Variants in SYNPR observed in about 807,000 individuals in gnomAD.
SYNPR encodes synaptoporin.
Under a neutral mutation model 32.9 loss-of-function variants are expected in SYNPR, and 23 were observed. The observed-to-expected ratio is 0.70, with a 90% CI of 0.50 to 0.99. SYNPR has a LOEUF of 0.99. Among genes scored for constraint, SYNPR ranks in the 50% least tolerant of loss-of-function variants. The pLI is 0.00. For missense variants in SYNPR, 318 were observed against 349.3 expected, an observed-to-expected ratio of 0.91 and a Z score of 0.71; for synonymous variants, 146 against 135.9, an observed-to-expected ratio of 1.07 and a Z score of -0.52.
chr3:63,346,597 G>A (rs1346912529), intron 2 of SYNPR, among the ~76,000 whole-genome samples: 1 of 151,972 alleles, frequency 6.6e-6, no homozygotes, highest in African/African-American at 2.4e-5. Context: ...GCAGCCTCCT[G>A]AGTAGCTGGG....
At position 63,606,417 on chromosome 3, in the gene SYNPR, CTTTT is replaced by C. The variant is rs61299069; in HGVS notation, c.409-2689_409-2686del. Among the ~76,000 whole-genome samples, 21 of 68,300 alleles carry C rather than the reference CTTTT, an allele frequency of 3.1e-4. 1 individual carries two copies. The highest frequency in any genetic ancestry group is 4.6e-4 in the Non-Finnish European group (16 of 34,866). 44.8% of individuals were successfully genotyped at this position (68,300 alleles called of 152,430 possible). A position where few individuals can be genotyped will look rare whatever the true frequency, so the allele number is the denominator to read the frequency against. The stretch of plus-strand genomic sequence containing the variant: ...AATTAAGCAGGACCTCAAATCCTTT[CTTTT>C]TTTTTTTTTTTTTTTTTTAGCAATG... On this transcript the variant is annotated intron_variant, in intron 4 of 5. Transcript: ENST00000478300.
At chr3:63,307,521 G>C (rs1228244612) in intron 2 of SYNPR, among the ~76,000 whole-genome samples, 1 of 151,946 alleles carries the variant, frequency 6.6e-6, no homozygotes, top group Non-Finnish European at 1.5e-5. Flanking sequence ...TGTAATTTCA[G>C]CAATGTTTCC....
At chr3:63,387,789 C>A (rs1317124523) in intron 2 of SYNPR, among the ~76,000 whole-genome samples, 3 of 152,158 alleles carry the variant, frequency 2.0e-5, no homozygotes, top group Non-Finnish European at 4.4e-5. Flanking sequence ...TAAGAGGTTA[C>A]AAAGCAGCCT....
the SYNPR span, among the ~76,000 whole-genome samples, chr3:63,201,041 T>A: frequency 6.6e-6 from 1 of 152,114 alleles, no homozygotes; most frequent in South Asian, 2.1e-4. Flanking sequence ...ATGGATTAGG[T>A]TCTGAAATTA....
chr3:63,319,075 T>C (rs991135269), intron 2 of SYNPR, among the ~76,000 whole-genome samples: 2 of 152,042 alleles, frequency 1.3e-5, no homozygotes, highest in African/African-American at 4.8e-5. Flanking sequence ...GGGCTGGTAC[T>C]GGGAGGTGTC....
chr3:63,243,917 G>T (rs2086266735), intron 1 of SYNPR, among the ~76,000 whole-genome samples: 1 of 151,956 alleles, frequency 6.6e-6, no homozygotes, highest in Non-Finnish European at 1.5e-5. Context: ...AAGCTAGGAA[G>T]GTGAGTCCTT....
chr3:63,609,321 G>A lies in SYNPR; in HGVS notation c.600+5G>A. ...TCAAGCTTAAACACTTCTGTGGTAA[G>A]TATTTTTCATCTATGCTTTACTGTT... On this transcript the variant is annotated splice_donor_5th_base_variant and intron_variant, in intron 5 of 5. Transcript: ENST00000478300. 1 of 1,549,898 alleles carries A rather than the reference G, an allele frequency of 6.5e-7. No homozygotes were observed. The highest frequency in any genetic ancestry group is 1.2e-5 in the South Asian group (1 of 81,376).
intron 2 of SYNPR, among the ~76,000 whole-genome samples, chr3:63,408,198 A>AAAGAAAGAAAGAAAG (rs1560220859): frequency 2.6e-5 from 1 of 37,782 alleles, no homozygotes; most frequent in Non-Finnish European, 4.4e-5. Context: ...AAGAAAGAGG[A>AAAGAAAGAAAGAAAG]AGGAAGGAAG....
At chr3:63,496,420 T>A (rs1024693550) in intron 3 of SYNPR, among the ~76,000 whole-genome samples, 1 of 152,156 alleles carries the variant, frequency 6.6e-6, no homozygotes, top group African/African-American at 2.4e-5. Flanking sequence ...TAGTTTATGA[T>A]GCCAGTTACC....
chr3:63,593,934 A>C (rs1699886486), intron 4 of SYNPR, among the ~76,000 whole-genome samples: 1 of 152,120 alleles, frequency 6.6e-6, no homozygotes, highest in Non-Finnish European at 1.5e-5. Flanking sequence ...AGCCCATAGC[A>C]GGGAAGATAA....
intron 3 of SYNPR, among the ~76,000 whole-genome samples, chr3:63,270,140 G>A (rs899246792): frequency 1.3e-4 from 20 of 152,026 alleles, no homozygotes; most frequent in African/African-American, 4.6e-4. Context: ...TTTGTATTAG[G>A]GGATAGTCTA....
chr3:63,324,976 T>A (rs1218786508), intron 2 of SYNPR, among the ~76,000 whole-genome samples: 1 of 152,086 alleles, frequency 6.6e-6, no homozygotes, highest in Non-Finnish European at 1.5e-5. Context: ...CTCAAGGCAT[T>A]TTTCCCTCAT....
intron 2 of SYNPR, among the ~76,000 whole-genome samples, chr3:63,442,604 T>C (rs1019990814): frequency 1.3e-5 from 2 of 152,196 alleles, no homozygotes; most frequent in African/African-American, 4.8e-5. Flanking sequence ...CAGAGGTTTA[T>C]TTGAAGAAGA....
chr3:63,368,669 G>T (rs935703624), intron 2 of SYNPR, among the ~76,000 whole-genome samples: 55 of 152,160 alleles, frequency 3.6e-4, no homozygotes, highest in Non-Finnish European at 1.2e-4. Context: ...ATTAAGGAAG[G>T]ATCATATTTT....
At chr3:63,476,183 GGAAGGGAGGGAAGC>G in intron 2 of SYNPR, among the ~76,000 whole-genome samples, 1 of 58,026 alleles carries the variant, frequency 1.7e-5, no homozygotes, top group Non-Finnish European at 3.7e-5. Context: ...GGGAAGGAAG[GGAAGGGAGGGAAGC>G]AAGGGAAGGA....
At position 63,278,400 on chromosome 3, in the gene SYNPR, C is replaced by T; in HGVS notation, c.-134C>T. 1 of 1,207,802 alleles carries T rather than the reference C, an allele frequency of 8.3e-7. No individual in the cohort carries two copies. The highest frequency in any genetic ancestry group is 1.1e-6 in the Non-Finnish European group (1 of 882,568). 74.8% of individuals were successfully genotyped at this position (1,207,802 alleles called of 1,614,324 possible). ...GGGTGGGCTCCCCGAGGCCCCCTGC[C>T]CTCGCCGGGCTGCTCCAGGGTGTCG... On this transcript the variant is annotated 5_prime_UTR_variant, in exon 1 of 6. Coordinates refer to ENST00000478300, the MANE Select transcript of SYNPR (RefSeq NM_001130003.2).
intron 2 of SYNPR, among the ~76,000 whole-genome samples, chr3:63,304,731 G>C (rs1187101988): frequency 6.6e-6 from 1 of 151,742 alleles, no homozygotes; most frequent in East Asian, 1.9e-4. Flanking sequence ...TAAAGAATTT[G>C]TCATGAACAG....
intron 3 of SYNPR, among the ~76,000 whole-genome samples, chr3:63,553,962 C>T (rs1441103237): frequency 6.6e-6 from 1 of 152,096 alleles, no homozygotes; most frequent in African/African-American, 2.4e-5. Flanking sequence ...CTCAGGTGAT[C>T]CACCCCGTCT....
intron 3 of SYNPR, among the ~76,000 whole-genome samples, chr3:63,551,919 C>A (rs139373890): frequency 6.9e-6 from 1 of 144,236 alleles, no homozygotes; most frequent in African/African-American, 2.6e-5. Flanking sequence ...TTATTTGAGA[C>A]GGAGCTTGGC....
Sources: allele counts gnomAD v4.1 joint callset (sites outside exome capture counted in the v4.1 genomes callset), GRCh38; gene constraint gnomAD v4.1.1; transcripts MANE v1.5; gene names NCBI Gene and HGNC (gene_info 2026-07-23, HGNC 2026-07-21).